The following MCC variants were observed in gnomAD, a reference collection of about 807,000 sequenced individuals.
The protein encoded by MCC is colorectal mutant cancer protein.
MCC carries 90 observed loss-of-function variants against 116.2 expected under a neutral mutation model. The observed-to-expected ratio is 0.77, with a 90% CI of 0.65 to 0.92. The LOEUF is 0.92. MCC is among the 40% of genes least tolerant of loss of function. The pLI is 0.00. For synonymous variants in MCC, 578 were observed against 510.5 expected, an observed-to-expected ratio of 1.13 and a Z score of -1.78; for missense variants, 1,516 against 1,312.2, an observed-to-expected ratio of 1.16 and a Z score of -2.40.
rs543355251 is a variant in MCC, at chr5:113,150,613, T to A, written c.741+696A>T. On this transcript the variant is annotated intron_variant, in intron 4 of 18. Coordinates refer to ENST00000408903, the MANE Select transcript of MCC (RefSeq NM_001085377.2). ...AAAAAGAAAGGCTAAAAACAACACA[T>A]AATACCCCAAGAGAAAAGGAAAAGA... 2.0e-5 allele frequency among the ~76,000 whole-genome samples: 3 copies of A among 151,342 alleles called. 1 individual carries two copies. Among genetic ancestry groups the A allele is most frequent in the African/African-American group, 7.3e-5 (3 of 41,220 alleles).
At chr5:113,032,057 G>C (rs1014333451) in intron 17 of MCC, among the ~76,000 whole-genome samples, 5 of 152,174 alleles carry the variant, frequency 3.3e-5, no homozygotes, top group African/African-American at 1.2e-4. Context: ...AATTTGGGTT[G>C]GTTGATCTGT....
At chr5:113,225,317 G>A (rs889572934) in intron 3 of MCC, among the ~76,000 whole-genome samples, 8 of 152,176 alleles carry the variant, frequency 5.3e-5, no homozygotes, top group Non-Finnish European at 1.0e-4. Flanking sequence ...AAAGATCTCA[G>A]TTCCAATCCA....
At chr5:113,207,124 C>T (rs763161111) in intron 3 of MCC, among the ~76,000 whole-genome samples, 5 of 152,136 alleles carry the variant, frequency 3.3e-5, no homozygotes, top group Admixed American at 6.5e-5. Context: ...CTAGGAGACA[C>T]ACATACACAC....
intron 14 of MCC, among the ~76,000 whole-genome samples, chr5:113,061,345 G>A (rs961815346): frequency 3.3e-5 from 5 of 152,320 alleles, no homozygotes; most frequent in Non-Finnish European, 5.9e-5. Flanking sequence ...CGATGACTAC[G>A]CTGCACAGAA....
At chr5:113,487,355 T>A (rs1195940107) in intron 1 of MCC, among the ~76,000 whole-genome samples, 2 of 152,204 alleles carry the variant, frequency 1.3e-5, no homozygotes, top group Non-Finnish European at 2.9e-5. Flanking sequence ...GGATACCAAG[T>A]CTTCAATGGC....
intron 2 of MCC, among the ~76,000 whole-genome samples, chr5:113,341,990 C>G (rs11956234): frequency 3.3e-5 from 5 of 150,754 alleles, no homozygotes; most frequent in African/African-American, 1.2e-4. Context: ...CCTCACCCCC[C>G]CACTCACACT....
At chr5:113,247,400 A>G (rs1173798591) in intron 3 of MCC, among the ~76,000 whole-genome samples, 1 of 152,020 alleles carries the variant, frequency 6.6e-6, no homozygotes, top group East Asian at 1.9e-4. Flanking sequence ...AGTCAACAGA[A>G]AACTAAGTGA....
chr5:113,488,160 T>TGGGGCGAGGGGGCAGAGCAG, intron 1 of MCC, 85 bp downstream of exon 1: 5 of 1,338,440 alleles, frequency 3.7e-6, no homozygotes, highest in Non-Finnish European at 4.9e-6. Flanking sequence ...TGCCGCAAGT[T>TGGGGCGAGGGGGCAGAGCAG]GGGGCGAGGG....
chr5:113,391,777 G>C (rs1769408335), intron 1 of MCC, among the ~76,000 whole-genome samples: 1 of 151,876 alleles, frequency 6.6e-6, no homozygotes, highest in Non-Finnish European at 1.5e-5. Flanking sequence ...ATTTTTCCGT[G>C]TTACGGAAGA....
chr5:113,153,114 T>G (rs1036905739), intron 3 of MCC, among the ~76,000 whole-genome samples: 1 of 152,218 alleles, frequency 6.6e-6, no homozygotes, highest in African/African-American at 2.4e-5. Context: ...CACTGTGGCA[T>G]GTTACGCTAT....
intron 3 of MCC, among the ~76,000 whole-genome samples, chr5:113,223,265 G>C (rs1034450962): frequency 6.6e-6 from 1 of 152,188 alleles, no homozygotes; most frequent in African/African-American, 2.4e-5. Flanking sequence ...TGTTCTGTTT[G>C]TGAAATACTT....
intron 11 of MCC, among the ~76,000 whole-genome samples, chr5:113,073,512 C>A (rs1754191185): frequency 6.6e-6 from 1 of 152,236 alleles, no homozygotes; most frequent in African/African-American, 2.4e-5. Context: ...AAATCCACAG[C>A]TGAGCCAGCC....
chr5:113,084,222 C>T (rs1284510570), intron 9 of MCC, 32 bp from the exon 10 acceptor site: 2 of 1,500,158 alleles, frequency 1.3e-6, no homozygotes, highest in South Asian at 1.1e-5. Flanking sequence ...TTATAGAAAA[C>T]TACACACCAC....
chr5:113,392,091 C>T (rs1029150511), intron 1 of MCC, among the ~76,000 whole-genome samples: 2 of 151,888 alleles, frequency 1.3e-5, no homozygotes, highest in Admixed American at 6.6e-5. Context: ...TAAGGCTAGG[C>T]GTGGTGGCAT....
chr5:113,141,473 T>C (rs191806428), intron 5 of MCC, among the ~76,000 whole-genome samples: 185 of 152,328 alleles, frequency 1.2e-3, no homozygotes, highest in Admixed American at 0.01. Flanking sequence ...TTGGTTTCTG[T>C]CTCTCTGGAG....
chr5:113,394,919 A>T (rs757278675), intron 1 of MCC, among the ~76,000 whole-genome samples: 28 of 152,326 alleles, frequency 1.8e-4, no homozygotes, highest in Middle Eastern at 6.8e-3. Flanking sequence ...TTATCTATGT[A>T]ATGTCTATGA....
intron 3 of MCC, among the ~76,000 whole-genome samples, chr5:113,333,864 T>C (rs56209905): frequency 9.0e-4 from 103 of 114,140 alleles, no homozygotes; most frequent in African/African-American, 1.2e-3. Context: ...CATATATGTA[T>C]ATATGTATTC....
chr5:113,417,725 T>G (rs1770194656), intron 1 of MCC, among the ~76,000 whole-genome samples: 1 of 152,126 alleles, frequency 6.6e-6, no homozygotes, highest in Non-Finnish European at 1.5e-5. Context: ...TGTCAGGAGT[T>G]TGAGACCAGC....
chr5:113,276,224 G>C (rs1342074427), intron 3 of MCC, among the ~76,000 whole-genome samples: 1 of 152,174 alleles, frequency 6.6e-6, no homozygotes, highest in Admixed American at 6.5e-5. Flanking sequence ...CCATTGTAAA[G>C]GCATTCTTAA....
Sources: allele counts gnomAD v4.1 joint callset (sites outside exome capture counted in the v4.1 genomes callset), GRCh38; gene constraint gnomAD v4.1.1; transcripts MANE v1.5; gene names NCBI Gene and HGNC (gene_info 2026-07-23, HGNC 2026-07-21).